The following KLHDC8A variants were observed in gnomAD, a reference collection of about 807,000 sequenced individuals.
KLHDC8A encodes the protein kelch domain-containing protein 8A.
A neutral mutation model predicts 33.1 loss-of-function variants in KLHDC8A; 21 were observed. The observed-to-expected ratio is 0.64, with a 90% CI of 0.45 to 0.91. The LOEUF (loss-of-function observed/expected upper bound fraction) is 0.91, where lower values mean the gene tolerates loss of function less well. KLHDC8A is among the 40% of genes least tolerant of loss of function. The probability of loss-of-function intolerance (pLI) is 0.00; values close to 1 mark genes in which losing one functional copy is unlikely to be tolerated. For synonymous variants in KLHDC8A, 173 were observed against 193.5 expected (o/e 0.89, Z 0.88); for missense variants, 435 against 483.3 (o/e 0.90, Z 0.94).
At position 205,339,086 on chromosome 1, in the gene KLHDC8A, A is replaced by G; in HGVS notation, c.757+108T>C. 1.1e-6 allele frequency: 1 copy of G among 874,494 alleles called. No individual in the cohort carries two copies. Among genetic ancestry groups the G allele is most frequent in the Non-Finnish European group, 1.8e-6 (1 of 560,696 alleles). 54.2% of individuals were successfully genotyped at this position (874,494 alleles called of 1,614,324 possible). A position where few individuals can be genotyped will look rare whatever the true frequency, so the allele number is the denominator to read the frequency against. On this transcript the variant is annotated intron_variant, in intron 4 of 5. Transcript: ENST00000367155. This position sits in a 1 kb window ranked among gnomAD's most constrained non-coding sequence, Gnocchi z 5.1. ...GCTGAGACTTCTGAGAAGCTTGCCCAGCTGGGTAAACGGCCCTGGAAGATG... is the reference window on the plus strand; with the variant it reads ...GCTGAGACTTCTGAGAAGCTTGCCCGGCTGGGTAAACGGCCCTGGAAGATG...
chr1:205,349,586 G>A (rs983120767), intron 1 of KLHDC8A, among the ~76,000 whole-genome samples: 13 of 152,318 alleles, frequency 8.5e-5, no homozygotes, highest in South Asian at 2.1e-4. Context: ...TAGTGCGTGC[G>A]GGAAGGTATG....
chr1:205,346,420 C>G (rs913710877), intron 1 of KLHDC8A, among the ~76,000 whole-genome samples: 1 of 152,182 alleles, frequency 6.6e-6, no homozygotes, highest in Non-Finnish European at 1.5e-5. Flanking sequence ...ACCCACTGAG[C>G]CTTCTACCAA....
rs537443627 is a variant in KLHDC8A, at chr1:205,336,431, A to C, written c.*968T>G. ...GTCACTGGGGGCCCTATTTAGCCTG[A>C]GAATGCAGGAGGGATTGTTTTATGG... On this transcript the variant is annotated 3_prime_UTR_variant, in exon 6 of 6. Coordinates refer to ENST00000367155, the MANE Select transcript of KLHDC8A (RefSeq NM_018203.3). 3 of 152,764 alleles carry C rather than the reference A, an allele frequency of 2.0e-5. No homozygotes were observed. The South Asian group carries it at 6.2e-4, about 32-fold the overall frequency. The allele number at this position is 152,764 out of a possible 1,614,324, so 9.5% of individuals were successfully genotyped here.
chr1:205,339,362 T>C lies in KLHDC8A; in HGVS notation c.589A>G (p.Ile197Val), dbSNP rs751825708. ...AACTTGGTCCAGGAGCGAGTCTCGA[T>C]GTCAAAGACCTCGAAAGCGTTGACC... ...YAVNAFEVFD[I>V]ETRSWTKFPN... The change falls in exon 4 of 6, where the codon ATC becomes GTC. Residue 197 changes from isoleucine (I) to valine (V), a missense_variant. By Grantham distance (29) the Ile-to-Val change is conservative. Coordinates refer to ENST00000367155, the MANE Select transcript of KLHDC8A (RefSeq NM_018203.3). The surrounding 1 kb of genome is among the most constrained non-coding windows in gnomAD (Gnocchi z 5.1). 2 of 1,614,076 alleles carry C rather than the reference T, an allele frequency of 1.2e-6. No individual in the cohort carries two copies. The highest frequency in any genetic ancestry group is 1.3e-5 in the African/African-American group (1 of 74,950).
chr1:205,337,630 C>G, intron 5 of KLHDC8A, 38 bp from the exon 6 acceptor site: 1 of 1,514,978 alleles, frequency 6.6e-7, no homozygotes, highest in Non-Finnish European at 9.0e-7. Flanking sequence ...ACAAAGGAGT[C>G]CAACCACCAA....
chr1:205,341,896 G>A (rs12138262), intron 2 of KLHDC8A, among the ~76,000 whole-genome samples: 8 of 152,122 alleles, frequency 5.3e-5, no homozygotes, highest in Non-Finnish European at 1.2e-4. Flanking sequence ...TGATCCGCCC[G>A]CCTCAGCCTC....
chr1:205,351,022 C>G (rs974910268), intron 1 of KLHDC8A, among the ~76,000 whole-genome samples: 2 of 152,222 alleles, frequency 1.3e-5, no homozygotes, highest in African/African-American at 2.4e-5. Flanking sequence ...CCTGCTCACC[C>G]TCACCGGAGT....
At chr1:205,344,815 G>A (rs1200347227) in intron 1 of KLHDC8A, among the ~76,000 whole-genome samples, 1 of 151,972 alleles carries the variant, frequency 6.6e-6, no homozygotes, top group Non-Finnish European at 1.5e-5. Context: ...CATCCACAGA[G>A]ACACTGACCA....
intron 1 of KLHDC8A, among the ~76,000 whole-genome samples, chr1:205,347,839 A>G (rs188314629): frequency 6.6e-4 from 100 of 152,322 alleles, no homozygotes; most frequent in African/African-American, 2.4e-3. Context: ...TGGAGTCTTT[A>G]TTATAGATAT....
Position 205,343,621 on chromosome 1 carries a change from G to T in KLHDC8A, c.-17C>A, listed in dbSNP as rs2102286486. ...CACCTCCATGGCAGCCTTGGGGAGC[G>T]CCCGGGCGCCGGGAGAGGTGCGAGC... On this transcript the variant is annotated 5_prime_UTR_variant, in exon 2 of 6. Coordinates refer to ENST00000367155, the MANE Select transcript of KLHDC8A (RefSeq NM_018203.3). The T allele has an allele frequency of 6.5e-7, 1 of 1,550,218 alleles. No homozygotes were observed. The highest frequency in any genetic ancestry group is 8.7e-7 in the Non-Finnish European group (1 of 1,146,180).
chr1:205,342,186 C>T (rs985416144), intron 2 of KLHDC8A, among the ~76,000 whole-genome samples: 3 of 152,218 alleles, frequency 2.0e-5, no homozygotes, highest in African/African-American at 7.2e-5. Flanking sequence ...CAGAGTAATA[C>T]TAGCACTTAC....
At chr1:205,355,916 G>A (rs1467060893) in intron 1 of KLHDC8A, among the ~76,000 whole-genome samples, 1 of 152,208 alleles carries the variant, frequency 6.6e-6, no homozygotes. Flanking sequence ...TATGTACATA[G>A]TAGGTAGTCC....
chr1:205,337,546 C>G lies in KLHDC8A; in HGVS notation c.906G>C (p.Gly302=). The G allele has an allele frequency of 1.2e-6, 2 of 1,613,924 alleles. No individual in the cohort carries two copies. The highest frequency in any genetic ancestry group is 1.7e-6 in the Non-Finnish European group (2 of 1,179,948). ...CAGGGAGGATCTCCCATTTGTTCTT[C>G]CCTGGGTGGAATGCTTCCGCCGTCT... ...VLETAEAFHP[G]KNKWEILPAM... Residue 302 remains glycine, a synonymous_variant, in exon 6 of 6, where the codon GGG becomes GGC. Coordinates refer to ENST00000367155, the MANE Select transcript of KLHDC8A (RefSeq NM_018203.3).
chr1:205,342,353 G>A (rs1315771572), intron 2 of KLHDC8A, among the ~76,000 whole-genome samples: 1 of 152,218 alleles, frequency 6.6e-6, no homozygotes, highest in Non-Finnish European at 1.5e-5. Context: ...GGTCACAGAA[G>A]CCCCACTGGC....
At chr1:205,349,726 C>T (rs913723) in intron 1 of KLHDC8A, among the ~76,000 whole-genome samples, 86,430 of 152,024 alleles carry the variant, frequency 0.57, 25,013 homozygotes, top group South Asian at 0.71. Flanking sequence ...TGTCAGAAAC[C>T]TGAAACACCA....
chr1:205,343,212 G>C lies in KLHDC8A; in HGVS notation c.376+17C>G. The C allele has an allele frequency of 6.4e-7, 1 of 1,569,300 alleles. No individual in the cohort carries two copies. Among genetic ancestry groups the C allele is most frequent in the Non-Finnish European group, 8.7e-7 (1 of 1,152,890 alleles). ...ACTTCCTTCTCTCTGGCCGCCCTCA[G>C]CCCTGGCCCCACTTGCCTTTGGCCG... On this transcript the variant is annotated intron_variant, in intron 2 of 5. Transcript: ENST00000367155.
At chr1:205,349,070 C>G (rs10751434) in intron 1 of KLHDC8A, among the ~76,000 whole-genome samples, 83,267 of 151,930 alleles carry the variant, frequency 0.55, 23,404 homozygotes, top group East Asian at 0.69. Context: ...CATAGAGAAG[C>G]CTCATTAGGG....
chr1:205,342,355 C>T (rs1662815097), intron 2 of KLHDC8A, among the ~76,000 whole-genome samples: 1 of 152,204 alleles, frequency 6.6e-6, no homozygotes, highest in Non-Finnish European at 1.5e-5. Context: ...TCACAGAAGC[C>T]CCACTGGCCA....
At chr1:205,345,481 T>C (rs1301540548) in intron 1 of KLHDC8A, among the ~76,000 whole-genome samples, 3 of 152,184 alleles carry the variant, frequency 2.0e-5, no homozygotes, top group Non-Finnish European at 4.4e-5. Context: ...CTCATACTTG[T>C]AATCCAGGCA....
Sources: allele counts gnomAD v4.1 joint callset (sites outside exome capture counted in the v4.1 genomes callset), GRCh38; gene constraint gnomAD v4.1.1; non-coding constraint Gnocchi (gnomAD v3.1); transcripts MANE v1.5; gene names NCBI Gene and HGNC (gene_info 2026-07-23, HGNC 2026-07-21).